DNAH5: variants seen among roughly 807,000 people sequenced by gnomAD.
The protein encoded by DNAH5 is axonemal beta dynein heavy chain 5.
DNAH5 carries 372 observed loss-of-function variants against 518.2 expected under a neutral mutation model. The ratio of observed to expected loss-of-function variants is 0.72; its 90% confidence interval spans 0.66 to 0.78. The LOEUF (loss-of-function observed/expected upper bound fraction) is 0.78, where lower values mean the gene tolerates loss of function less well. Ranked by LOEUF, DNAH5 falls within the 30% of genes least tolerant of loss-of-function variation. The pLI, the probability that DNAH5 is intolerant of heterozygous loss-of-function variation, is 0.00. For missense variants in DNAH5, 5,523 were observed against 5,687.0 expected (o/e 0.97, Z 0.93); for synonymous variants, 2,039 against 2,025.9 (o/e 1.01, Z -0.17).
At chr5:13,762,083 A>T (rs1362307747) in intron 60 of DNAH5, among the ~76,000 whole-genome samples, 1 of 152,240 alleles carries the variant, frequency 6.6e-6, no homozygotes, top group African/African-American at 2.4e-5. Context: ...ATTTTCAAAA[A>T]ACCCACTCTC....
At chr5:13,799,050 G>C (rs111940837) in intron 47 of DNAH5, among the ~76,000 whole-genome samples, 3,202 of 152,174 alleles carry the variant, frequency 0.021, 102 homozygotes, top group African/African-American at 0.07. Flanking sequence ...ACAGGCATGA[G>C]CCACTGTGCC....
intron 11 of DNAH5, 31 bp downstream of exon 11, chr5:13,913,712 T>C: frequency 6.2e-7 from 1 of 1,611,414 alleles, no homozygotes; most frequent in East Asian, 2.2e-5. Flanking sequence ...TTGTGGATTA[T>C]GTTATAAAAT....
intron 6 of DNAH5, 150 bp downstream of exon 6, chr5:13,920,330 G>T: frequency 9.8e-7 from 1 of 1,016,790 alleles, no homozygotes; most frequent in Non-Finnish European, 1.5e-6. Context: ...ATTCATGACA[G>T]TAAAGGAAAA....
chr5:13,886,235 T>C, intron 17 of DNAH5, 106 bp from the exon 18 acceptor site: 1 of 1,187,382 alleles, frequency 8.4e-7, no homozygotes, highest in Non-Finnish European at 1.2e-6. Flanking sequence ...AGCCTCCAGG[T>C]GAGATTTCAG....
chr5:13,729,527 G>T lies in DNAH5; in HGVS notation c.11795C>A (p.Pro3932Gln). ...GASLDLKACP[P>Q]KPSKWILDIT... ...GTCCAGGATCCATTTTGATGGTTTT[G>T]GAGGACAAGCTTTAAGGTCTAATGA... is the stretch of plus-strand genomic sequence containing the variant. The change falls in exon 69 of 79, where the codon CCA becomes CAA. Residue 3932 changes from proline (P) to glutamine (Q), a missense_variant. Pro to Gln is a moderately conservative substitution (Grantham distance 76). Coordinates refer to ENST00000265104, the MANE Select transcript of DNAH5 (RefSeq NM_001369.3). The T allele has an allele frequency of 6.2e-7, 1 of 1,613,796 alleles. No individual in the cohort carries two copies.
intron 47 of DNAH5, among the ~76,000 whole-genome samples, chr5:13,805,270 A>G (rs1759406461): frequency 6.6e-6 from 1 of 152,072 alleles, no homozygotes; most frequent in South Asian, 2.1e-4. Context: ...GAGGCCCAGG[A>G]GGGCAGATCA....
chr5:13,692,101 G>A lies in DNAH5; in HGVS notation c.13758C>T (p.Ile4586=). The A allele has an allele frequency of 6.2e-7, 1 of 1,614,034 alleles. No individual in the cohort carries two copies. The highest frequency in any genetic ancestry group is 1.7e-5 in the Admixed American group (1 of 59,992). The part of the protein sequence containing the change: ...LRDPRFYSCP[I]YKKPVRTDLN... The stretch of plus-strand genomic sequence containing the variant: ...AGTCCGTTCGAACTGGCTTCTTATA[G>A]ATGGGACAGGAGTAAAACCGAGGAT... The change falls in exon 79 of 79, where the codon ATC becomes ATT. Residue 4586 remains isoleucine, a synonymous_variant. Coordinates refer to ENST00000265104, the MANE Select transcript of DNAH5 (RefSeq NM_001369.3).
At chr5:13,737,832 C>T (rs986054256) in intron 65 of DNAH5, among the ~76,000 whole-genome samples, 14 of 151,990 alleles carry the variant, frequency 9.2e-5, no homozygotes, top group South Asian at 8.3e-4. Context: ...GAGGCAGAGG[C>T]GGGTGGATCA....
chr5:13,914,119 C>T lies in DNAH5; in HGVS notation c.1321-161G>A, dbSNP rs112884595. On this transcript the variant is annotated intron_variant, in intron 10 of 78. Transcript: ENST00000265104. ...TCATCAGCCTGGAAAATCATCTTTT[C>T]ACCTCCTCTAATCTAGCAATTCTAG... 1.0e-3 allele frequency among the ~76,000 whole-genome samples: 155 copies of T among 152,204 alleles called. 1 individual carries two copies. Among genetic ancestry groups the T allele is most frequent in the African/African-American group, 3.5e-3 (145 of 41,548 alleles).
rs190922419 is a variant in DNAH5 at position 13,721,755 on chromosome 5, T to C, written c.12034-510A>G. 8.5e-5 allele frequency among the ~76,000 whole-genome samples: 13 copies of C among 152,350 alleles called. 1 individual carries two copies. The East Asian group carries it at 1.3e-3, about 16-fold the overall frequency. The stretch of plus-strand genomic sequence containing the variant: ...TCCATAATCTCTCTCCTCATCATTG[T>C]CGTCATTCCTTCCCACATTTGGCTC... On this transcript the variant is annotated intron_variant, in intron 70 of 78. Coordinates refer to ENST00000265104, the MANE Select transcript of DNAH5 (RefSeq NM_001369.3).
intron 1 of DNAH5, among the ~76,000 whole-genome samples, chr5:13,972,714 G>A (rs567185621): frequency 1.1e-4 from 17 of 152,240 alleles, no homozygotes; most frequent in African/African-American, 3.6e-4. Context: ...GCAGCAAGCC[G>A]CTTCCTTCAA....
rs768906272 is a variant in DNAH5, at chr5:13,844,993, C to T, written c.5115G>A (p.Gly1705=). The T allele has an allele frequency of 6.5e-7, 1 of 1,533,162 alleles. No individual in the cohort carries two copies. The highest frequency in any genetic ancestry group is 8.9e-7 in the Non-Finnish European group (1 of 1,118,746). 95.0% of individuals were successfully genotyped at this position (1,533,162 alleles called of 1,614,324 possible). ...AGCACAGTCGTTTTTTCTCCAAGTA[C>T]CTACAAGGAGAGGAAAAACATAAAC... ...QLEICQKSLT[G]YLEKKRLCFP... The change falls in exon 32 of 79, where the codon GGG becomes GGA. Residue 1705 remains glycine (G), a splice_region_variant and synonymous_variant. Coordinates refer to ENST00000265104, the MANE Select transcript of DNAH5 (RefSeq NM_001369.3).
chr5:13,995,986 C>T (rs1416237774), intron 1 of DNAH5, among the ~76,000 whole-genome samples: 2 of 152,130 alleles, frequency 1.3e-5, no homozygotes, highest in African/African-American at 2.4e-5. Flanking sequence ...ATACAGAATT[C>T]CTACCATAAA....
chr5:13,741,397 T>A (rs1274837455), intron 65 of DNAH5, among the ~76,000 whole-genome samples: 1 of 152,196 alleles, frequency 6.6e-6, no homozygotes, highest in Non-Finnish European at 1.5e-5. Context: ...TTCTTTAAGA[T>A]GTAGCAACTC....
chr5:13,871,673 G>C lies in DNAH5; in HGVS notation c.3489C>G (p.Ser1163Arg). Residue 1163 changes from serine to arginine, a missense_variant, in exon 23 of 79, where the codon AGC becomes AGG. By Grantham distance (110) the Ser-to-Arg change is moderately radical. Transcript: ENST00000265104. Reference sequence around the variant, plus strand: ...GGGACTCAAATTCAGAAAGCAAGGGGCTCTGTGTAATAAATGTCTTAATGG... The same window carrying C: ...GGGACTCAAATTCAGAAAGCAAGGGCCTCTGTGTAATAAATGTCTTAATGG... ...EEAIKTFITQ[S>R]PLLSEFESQI... is the part of the protein sequence containing the mutation. 6.2e-7 allele frequency: 1 copy of C among 1,613,696 alleles called. No individual in the cohort carries two copies. Among genetic ancestry groups the C allele is most frequent in the Non-Finnish European group, 8.5e-7 (1 of 1,179,738 alleles).
Position 13,721,034 on chromosome 5 carries a change from T to A in DNAH5, c.12245A>T (p.His4082Leu). The A allele has an allele frequency of 6.2e-7, 1 of 1,614,134 alleles. No homozygotes were observed. Among genetic ancestry groups the A allele is most frequent in the Non-Finnish European group, 8.5e-7 (1 of 1,179,990 alleles). The change falls in exon 71 of 79, where the codon CAT (histidine) becomes CTT (leucine). Residue 4082 changes from histidine to leucine, a missense_variant. Coordinates refer to ENST00000265104, the MANE Select transcript of DNAH5 (RefSeq NM_001369.3). Reference sequence around the variant, plus strand: ...GGTCTGCTGCAAGAGCTTCCGAGCATGGACTTCCTGGCCCTGGCCCATGGA... The same window carrying A: ...GGTCTGCTGCAAGAGCTTCCGAGCAAGGACTTCCTGGCCCTGGCCCATGGA... ...YVSMGQGQEV[H>L]ARKLLQQTMA...
At chr5:13,936,723 C>T (rs1778957581) in intron 1 of DNAH5, among the ~76,000 whole-genome samples, 1 of 152,136 alleles carries the variant, frequency 6.6e-6, no homozygotes, top group Admixed American at 6.5e-5. Flanking sequence ...TTAAGTGAAA[C>T]AAAACATTTT....
At chr5:13,760,544 T>C (rs1333664385) in intron 60 of DNAH5, among the ~76,000 whole-genome samples, 1 of 152,348 alleles carries the variant, frequency 6.6e-6, no homozygotes, top group Admixed American at 6.5e-5. Context: ...TATGTACTCA[T>C]ACTGATTTCC....
chr5:13,725,351 C>A (rs947401847), intron 70 of DNAH5, among the ~76,000 whole-genome samples: 7 of 152,186 alleles, frequency 4.6e-5, no homozygotes, highest in Admixed American at 2.6e-4. Flanking sequence ...GCATTCTATG[C>A]AGAAGAAACA....
Sources: gnomAD v4.1 joint callset for allele counts (sites outside exome capture counted in the v4.1 genomes callset) on GRCh38, gnomAD v4.1.1 for gene constraint, MANE v1.5 for transcripts, NCBI Gene and HGNC (gene_info 2026-07-23, HGNC 2026-07-21) for gene names.